FOXP2: variants seen among roughly 807,000 people sequenced by gnomAD.
The protein encoded by FOXP2 is forkhead box protein P2.
In FOXP2, 12 loss-of-function variants were observed where a neutral mutation model predicts 115.8. The ratio of observed to expected loss-of-function variants is 0.10; its 90% CI spans 0.07 to 0.17. The LOEUF (loss-of-function observed/expected upper bound fraction) is 0.17. Among genes scored for constraint, FOXP2 ranks in the 10% least tolerant of loss-of-function variants. The probability of loss-of-function intolerance (pLI) is 1.00; values close to 1 mark genes in which losing one functional copy is unlikely to be tolerated. For missense variants in FOXP2, 629 were observed against 843.5 expected (o/e 0.75, Z 3.15); for synonymous variants, 328 against 297.7 (o/e 1.10, Z -1.05).
At chr7:114,507,502 G>A (rs1797878554) in intron 2 of FOXP2, among the ~76,000 whole-genome samples, 3 of 152,040 alleles carry the variant, frequency 2.0e-5, no homozygotes, top group African/African-American at 7.2e-5. Context: ...CAAGGATAAT[G>A]AGATGTTAAA....
At chr7:114,488,791 T>C (rs1796908069) in intron 2 of FOXP2, among the ~76,000 whole-genome samples, 1 of 152,198 alleles carries the variant, frequency 6.6e-6, no homozygotes, top group Non-Finnish European at 1.5e-5. Flanking sequence ...AATATTTAAA[T>C]GCTGTGTGTT....
rs529808661 is a variant in FOXP2 at position 114,157,514 on chromosome 7, G to A, written c.-246-5430G>A. On this transcript the variant is annotated intron_variant, in intron 1 of 19. Coordinates refer to the FOXP2 transcript ENST00000635638. ...GCTCAGTTTGATTCTAGAATGTAGA[G>A]ATAAGTGAAACAAAGTAAAGGAGAG... 6.6e-5 allele frequency among the ~76,000 whole-genome samples: 10 copies of A among 152,196 alleles called. No individual in the cohort carries two copies. The East Asian group carries it at 1.9e-3, about 29-fold the overall frequency.
chr7:114,222,632 A>G (rs1234792780), intron 1 of FOXP2, among the ~76,000 whole-genome samples: 4 of 152,216 alleles, frequency 2.6e-5, no homozygotes, highest in Non-Finnish European at 4.4e-5. Context: ...GTTGTAGTAG[A>G]AGAAATATAA....
intron 2 of FOXP2, among the ~76,000 whole-genome samples, chr7:114,334,902 G>GAAATCTATATA (rs1797804407): frequency 2.2e-5 from 3 of 136,080 alleles, no homozygotes; most frequent in African/African-American, 8.1e-5. Context: ...GTGTGTGTGT[G>GAAATCTATATA]TATATATATA....
chr7:114,429,530 T>A (rs1794013629), intron 2 of FOXP2, among the ~76,000 whole-genome samples: 1 of 151,634 alleles, frequency 6.6e-6, no homozygotes, highest in South Asian at 2.1e-4. Context: ...GAGAAATTAT[T>A]CTGCATTAGA....
chr7:114,524,640 A>C (rs1190053567), intron 2 of FOXP2, among the ~76,000 whole-genome samples: 1 of 152,118 alleles, frequency 6.6e-6, no homozygotes, highest in Non-Finnish European at 1.5e-5. Context: ...TTGAGGATTA[A>C]ATTTAGAATT....
chr7:114,644,575 A>ATTGACCTGTT, intron 7 of FOXP2, 110 bp from the exon 8 acceptor site: 1 of 840,914 alleles, frequency 1.2e-6, no homozygotes, highest in Non-Finnish European at 2.0e-6. Context: ...TCTGAGCTGA[A>ATTGACCTGTT]TTGACCTGTT....
intron 1 of FOXP2, among the ~76,000 whole-genome samples, chr7:114,255,934 C>T (rs745540518): frequency 6.6e-5 from 10 of 152,164 alleles, no homozygotes; most frequent in Admixed American, 2.0e-4. Flanking sequence ...ATCGTGGAAC[C>T]GCCCCGGTTC....
At chr7:114,253,186 T>G (rs557914000) in intron 1 of FOXP2, among the ~76,000 whole-genome samples, 1 of 152,326 alleles carries the variant, frequency 6.6e-6, no homozygotes, top group East Asian at 1.9e-4. Flanking sequence ...TTCTTTTATA[T>G]TTGCTGAGGA....
In FOXP2 at chr7:114,143,911, A is replaced by G. The variant is rs569731874; in HGVS notation, c.-246-19033A>G. Among the ~76,000 whole-genome samples the G allele has an allele frequency of 5.9e-5, 9 of 152,108 alleles. No individual in the cohort carries two copies. The South Asian group carries it at 6.2e-4, about 11-fold the overall frequency. ...TAATAATTTTCAACTTCATGATGGT[A>G]TGAAACCATCCCTGACTTATGATGG... is the stretch of plus-strand genomic sequence containing the variant. On this transcript the variant is annotated intron_variant, in intron 1 of 19. Transcript: ENST00000635638.
At chr7:114,120,573 A>G (rs1479559822) in intron 1 of FOXP2, among the ~76,000 whole-genome samples, 1 of 152,074 alleles carries the variant, frequency 6.6e-6, no homozygotes, top group Non-Finnish European at 1.5e-5. Context: ...AGTGATAAAA[A>G]TGCAGTTCTG....
intron 3 of FOXP2, among the ~76,000 whole-genome samples, chr7:114,534,975 A>G (rs1799309892): frequency 6.6e-6 from 1 of 151,838 alleles, no homozygotes. Context: ...AATTTTGCAT[A>G]AAACCCCCTT....
chr7:114,248,597 A>G (rs1456594680), intron 1 of FOXP2, among the ~76,000 whole-genome samples: 1 of 152,222 alleles, frequency 6.6e-6, no homozygotes, highest in African/African-American at 2.4e-5. Flanking sequence ...TTTTAAAAAT[A>G]AATATTCATA....
At chr7:114,627,452 G>T (rs1447475617) in intron 3 of FOXP2, among the ~76,000 whole-genome samples, 1 of 152,010 alleles carries the variant, frequency 6.6e-6, no homozygotes, top group Non-Finnish European at 1.5e-5. Flanking sequence ...ATTGCATACT[G>T]GTTAGTACAA....
chr7:114,543,063 G>A (rs1355987316), intron 3 of FOXP2, among the ~76,000 whole-genome samples: 2 of 151,904 alleles, frequency 1.3e-5, no homozygotes, highest in African/African-American at 2.4e-5. Flanking sequence ...ATTATAGCAT[G>A]AGCCACCATA....
rs115446978 is a variant in FOXP2, at chr7:114,637,823, G to A, written c.776-4587G>A. 3.9e-3 allele frequency among the ~76,000 whole-genome samples: 595 copies of A among 152,246 alleles called. 2 individuals carry two copies. Among genetic ancestry groups the A allele is most frequent in the African/African-American group, 0.013 (539 of 41,544 alleles). The stretch of plus-strand genomic sequence containing the variant: ...TGACCTGAAAATGAGAGGAAGCTCT[G>A]CGACAGAGTAGCTCTAGAGCAAGGC... On this transcript the variant is annotated intron_variant, in intron 6 of 16. Coordinates refer to ENST00000350908, the MANE Select transcript of FOXP2 (RefSeq NM_014491.4).
intron 1 of FOXP2, among the ~76,000 whole-genome samples, chr7:114,110,579 A>G (rs896182048): frequency 6.6e-6 from 1 of 151,962 alleles, no homozygotes; most frequent in African/African-American, 2.4e-5. Context: ...TCTTGTTGTC[A>G]TGCTCATTGG....
intron 3 of FOXP2, among the ~76,000 whole-genome samples, chr7:114,567,746 C>T (rs1358119848): frequency 6.6e-6 from 1 of 152,044 alleles, no homozygotes; most frequent in Non-Finnish European, 1.5e-5. Context: ...TACAAACCTG[C>T]GGCTTCATGG....
chr7:114,395,149 C>T (rs1199316838), intron 2 of FOXP2, among the ~76,000 whole-genome samples: 7 of 152,142 alleles, frequency 4.6e-5, no homozygotes, highest in African/African-American at 1.7e-4. Flanking sequence ...TTCCCAACTT[C>T]TCTGTAAGAA....
Sources: allele counts gnomAD v4.1 joint callset (sites outside exome capture counted in the v4.1 genomes callset), GRCh38; gene constraint gnomAD v4.1.1; transcripts MANE v1.5; gene names NCBI Gene and HGNC (gene_info 2026-07-23, HGNC 2026-07-21).